The following MTUS2 variants were observed in gnomAD, a reference collection of about 807,000 sequenced individuals.
MTUS2 encodes the protein microtubule associated scaffold protein 2.
In MTUS2, 40 loss-of-function variants were observed where a neutral mutation model predicts 114.1. The ratio of observed to expected loss-of-function variants is 0.35; its 90% CI spans 0.27 to 0.46. MTUS2 has a LOEUF of 0.46. Among genes scored for constraint, MTUS2 ranks in the 20% least tolerant of loss-of-function variants. The pLI, the probability that MTUS2 is intolerant of heterozygous loss-of-function variation, is 1.00. For missense variants in MTUS2, 1,679 were observed against 1,705.4 expected (o/e 0.98, Z 0.27); for synonymous variants, 688 against 672.0 (o/e 1.02, Z -0.37).
intron 2 of MTUS2, among the ~76,000 whole-genome samples, chr13:28,897,195 C>G (rs932669185): frequency 1.3e-5 from 2 of 152,074 alleles, no homozygotes; most frequent in African/African-American, 4.8e-5. Flanking sequence ...TGAACTCAAA[C>G]AAATTTACAA....
At chr13:28,899,041 T>A (rs998018016) in intron 2 of MTUS2, among the ~76,000 whole-genome samples, 1 of 152,218 alleles carries the variant, frequency 6.6e-6, no homozygotes, top group Non-Finnish European at 1.5e-5. Context: ...GCAAGGAGGA[T>A]GTCTCAGTTT....
chr13:28,957,164 A>G (rs1356760305), intron 2 of MTUS2, among the ~76,000 whole-genome samples: 5 of 152,346 alleles, frequency 3.3e-5, no homozygotes, highest in Non-Finnish European at 5.9e-5. Context: ...AATAGAAACA[A>G]CTTGGTACTT....
chr13:29,489,626 T>G (rs1881910665), intron 11 of MTUS2: 1 of 152,234 alleles, frequency 6.6e-6, no homozygotes, highest in South Asian at 2.1e-4. Flanking sequence ...GGCTCTTACC[T>G]CTGATATTCC....
chr13:29,065,565 C>T (rs114614795), intron 4 of MTUS2, among the ~76,000 whole-genome samples: 2,457 of 152,016 alleles, frequency 0.016, 57 homozygotes, highest in African/African-American at 0.056. Context: ...AAATATTTTC[C>T]CCTGTAAATT....
intron 2 of MTUS2, among the ~76,000 whole-genome samples, chr13:28,853,572 C>T (rs929064860): frequency 5.9e-5 from 9 of 152,216 alleles, no homozygotes; most frequent in Non-Finnish European, 1.0e-4. Context: ...ACAGTGACAC[C>T]TTCATACCCT....
chr13:28,872,179 A>G (rs899186652), intron 2 of MTUS2, among the ~76,000 whole-genome samples: 5 of 152,188 alleles, frequency 3.3e-5, no homozygotes, highest in African/African-American at 1.2e-4. Context: ...AGACAGTGGT[A>G]TGGACCTTGG....
At chr13:29,268,531 G>A (rs370831049) in intron 5 of MTUS2, among the ~76,000 whole-genome samples, 2 of 152,168 alleles carry the variant, frequency 1.3e-5, no homozygotes, top group African/African-American at 2.4e-5. Context: ...AGCCATGCTC[G>A]TCCCTTTGCT....
chr13:29,230,588 C>CTGAT (rs1479916903), intron 5 of MTUS2, among the ~76,000 whole-genome samples: 6 of 152,216 alleles, frequency 3.9e-5, no homozygotes. Flanking sequence ...GAGGGTTGGT[C>CTGAT]TGATATAAGC....
intron 4 of MTUS2, among the ~76,000 whole-genome samples, chr13:29,036,406 G>A (rs1339060563): frequency 6.6e-6 from 1 of 152,196 alleles, no homozygotes; most frequent in Non-Finnish European, 1.5e-5. Flanking sequence ...GGACAGATTT[G>A]TTTACATCTA....
chr13:28,986,181 A>AGGCTTGGGTGGTTG (rs1243277827), intron 2 of MTUS2, among the ~76,000 whole-genome samples: 7 of 151,988 alleles, frequency 4.6e-5, no homozygotes, highest in Non-Finnish European at 1.5e-5. Context: ...GGGGGCAGGA[A>AGGCTTGGGTGGTTG]GGAGAATGGG....
chr13:29,220,902 A>C (rs1009240321), intron 5 of MTUS2, among the ~76,000 whole-genome samples: 3 of 152,244 alleles, frequency 2.0e-5, no homozygotes, highest in African/African-American at 7.2e-5. Context: ...GCAAAGCACG[A>C]TAGAATGAGG....
intron 4 of MTUS2, among the ~76,000 whole-genome samples, chr13:29,058,675 T>G (rs1279456015): frequency 6.6e-6 from 1 of 151,370 alleles, no homozygotes; most frequent in Non-Finnish European, 1.5e-5. Flanking sequence ...AACTCGTCAT[T>G]TAACATTAGG....
chr13:29,101,129 A>G (rs1890401663), intron 5 of MTUS2, among the ~76,000 whole-genome samples, 159 bp downstream of exon 5: 1 of 152,120 alleles, frequency 6.6e-6, no homozygotes, highest in African/African-American at 2.4e-5. Context: ...AAAATAGCCC[A>G]TTTGACACCA....
At chr13:29,107,495 G>A (rs943708342) in intron 5 of MTUS2, among the ~76,000 whole-genome samples, 2 of 152,152 alleles carry the variant, frequency 1.3e-5, no homozygotes, top group Non-Finnish European at 2.9e-5. Context: ...AGTTGATGAA[G>A]CTCATAATTA....
chr13:29,023,927 C>G (rs564013714), intron 2 of MTUS2, among the ~76,000 whole-genome samples: 1 of 152,154 alleles, frequency 6.6e-6, no homozygotes, highest in African/African-American at 2.4e-5. Context: ...AATGTGGTGT[C>G]TACCAGATCT....
intron 8 of MTUS2, among the ~76,000 whole-genome samples, chr13:29,402,191 G>A (rs974786708): frequency 6.6e-6 from 1 of 152,078 alleles, no homozygotes; most frequent in Non-Finnish European, 1.5e-5. Context: ...TGTGATCCTT[G>A]AGTGCCCTTT....
intron 8 of MTUS2, among the ~76,000 whole-genome samples, chr13:29,422,009 A>G (rs531016970): frequency 3.9e-5 from 6 of 152,324 alleles, no homozygotes; most frequent in African/African-American, 9.6e-5. Flanking sequence ...TTGTAAATGT[A>G]CTTTTTATAA....
chr13:29,503,101 T>A lies in MTUS2; in HGVS notation c.4005T>A (p.Thr1335=), dbSNP rs1469201840. 1 of 1,614,096 alleles carries A rather than the reference T, an allele frequency of 6.2e-7. No individual in the cohort carries two copies. The highest frequency in any genetic ancestry group is 8.5e-7 in the Non-Finnish European group (1 of 1,180,040). ...TNEELLWKLQ[T]GDPTSPIKLS... Reference sequence around the variant, plus strand: ...AAGAGCTGCTTTGGAAGCTCCAAACTGGGGACCCGACCAGTCCGATTAAAC... The same window carrying A: ...AAGAGCTGCTTTGGAAGCTCCAAACAGGGGACCCGACCAGTCCGATTAAAC... The change falls in exon 16 of 16, where the codon ACT becomes ACA. Residue 1335 remains threonine, a synonymous_variant. Coordinates refer to ENST00000612955, the MANE Select transcript of MTUS2 (RefSeq NM_001033602.4).
Position 28,953,452 on chromosome 13 carries a change from T to C in MTUS2, c.-242-71005T>C, listed in dbSNP as rs1029552326. On this transcript the variant is annotated intron_variant, in intron 2 of 15. Coordinates refer to ENST00000612955, the MANE Select transcript of MTUS2 (RefSeq NM_001033602.4). ...TGAAATCTGGACGTGGAGGTTGCAG[T>C]GAGCCGAGACCAGGCCATTGCACTC... is the stretch of plus-strand genomic sequence containing the variant. 2.0e-5 allele frequency among the ~76,000 whole-genome samples: 3 copies of C among 152,302 alleles called. No individual in the cohort carries two copies. The East Asian group carries it at 5.8e-4, about 29-fold the overall frequency.
Sources: gnomAD v4.1 joint callset for allele counts (sites outside exome capture counted in the v4.1 genomes callset) on GRCh38, gnomAD v4.1.1 for gene constraint, MANE v1.5 for transcripts, NCBI Gene and HGNC (gene_info 2026-07-23, HGNC 2026-07-21) for gene names.